Variants in PRKD1 observed in about 807,000 individuals in gnomAD.
PRKD1 encodes protein kinase D1, also known as serine/threonine-protein kinase D1.
A neutral mutation model predicts 95.9 loss-of-function variants in PRKD1; 63 were observed. The ratio of observed to expected loss-of-function variants is 0.66; its 90% CI spans 0.54 to 0.81. The LOEUF (loss-of-function observed/expected upper bound fraction) is 0.81. Among genes scored for constraint, PRKD1 ranks in the 30% least tolerant of loss-of-function variants. The pLI is 0.00. For missense variants in PRKD1, 1,048 were observed against 1,165.3 expected (o/e 0.90, Z 1.47); for synonymous variants, 425 against 423.1 (o/e 1.00, Z -0.05).
chr14:29,872,308 A>G (rs1447181337), intron 1 of PRKD1, among the ~76,000 whole-genome samples: 1 of 152,232 alleles, frequency 6.6e-6, no homozygotes, highest in Admixed American at 6.5e-5. Flanking sequence ...CATTTTAAAC[A>G]TTCTTAAATA....
intron 13 of PRKD1, among the ~76,000 whole-genome samples, chr14:29,612,708 T>C (rs1466532091): frequency 1.3e-5 from 2 of 152,120 alleles, no homozygotes; most frequent in African/African-American, 2.4e-5. Flanking sequence ...TTTAGACATA[T>C]ATACATAACC....
At chr14:29,889,530 A>T (rs1893863984) in intron 1 of PRKD1, among the ~76,000 whole-genome samples, 1 of 152,222 alleles carries the variant, frequency 6.6e-6, no homozygotes, top group South Asian at 2.1e-4. Context: ...AAAATGTGGC[A>T]TATATACACC....
chr14:29,907,712 A>C (rs577220720), intron 1 of PRKD1, among the ~76,000 whole-genome samples: 49 of 152,358 alleles, frequency 3.2e-4, no homozygotes, highest in Middle Eastern at 3.4e-3. Flanking sequence ...TTAGTGAAAC[A>C]TGGACGTGTC....
intron 16 of PRKD1, among the ~76,000 whole-genome samples, chr14:29,592,960 A>G (rs963292089): frequency 6.6e-6 from 1 of 152,222 alleles, no homozygotes; most frequent in Non-Finnish European, 1.5e-5. Flanking sequence ...GATAATCAAG[A>G]GGCTGTCAAT....
At chr14:29,578,408 C>T (rs1436340917) in intron 16 of PRKD1, 48 bp from the exon 17 acceptor site, 1 of 1,360,738 alleles carries the variant, frequency 7.3e-7, no homozygotes, top group Non-Finnish European at 1.0e-6. Context: ...GTAACATATG[C>T]ATAATTCATT....
intron 1 of PRKD1, among the ~76,000 whole-genome samples, chr14:29,763,367 G>C (rs1483911931): frequency 7.5e-6 from 1 of 132,652 alleles, no homozygotes; most frequent in Non-Finnish European, 1.6e-5. Flanking sequence ...AGGAAGGAAG[G>C]AGGGAAGGAA....
At chr14:29,846,375 G>A (rs142283329) in intron 1 of PRKD1, among the ~76,000 whole-genome samples, 1 of 152,310 alleles carries the variant, frequency 6.6e-6, no homozygotes, top group Non-Finnish European at 1.5e-5. Context: ...CCTGAGGGGT[G>A]ACGTTTAGCT....
chr14:29,692,781 C>T (rs2139302187), intron 2 of PRKD1, among the ~76,000 whole-genome samples: 2 of 152,278 alleles, frequency 1.3e-5, no homozygotes, highest in Admixed American at 1.3e-4. Flanking sequence ...CAAATGTCAT[C>T]ATGTCCTTAT....
intron 1 of PRKD1, among the ~76,000 whole-genome samples, chr14:29,843,776 G>T (rs528335699): frequency 1.2e-4 from 18 of 152,240 alleles, no homozygotes; most frequent in Admixed American, 1.0e-3. Context: ...ATAAATAAAT[G>T]AGTTATAAAG....
chr14:29,914,264 A>G (rs571068610), intron 1 of PRKD1, among the ~76,000 whole-genome samples: 1 of 152,252 alleles, frequency 6.6e-6, no homozygotes, highest in East Asian at 1.9e-4. Context: ...TCACAATTCA[A>G]TTCAACCGCT....
chr14:29,760,722 T>A (rs763783390), intron 1 of PRKD1, among the ~76,000 whole-genome samples: 9 of 152,340 alleles, frequency 5.9e-5, no homozygotes, highest in Non-Finnish European at 1.3e-4. Flanking sequence ...CTACACCTAG[T>A]AGCTCCATTC....
At chr14:29,595,377 G>A (rs984049593) in intron 16 of PRKD1, among the ~76,000 whole-genome samples, 3 of 152,000 alleles carry the variant, frequency 2.0e-5, no homozygotes, top group Non-Finnish European at 2.9e-5. Flanking sequence ...TGGAGGCCCT[G>A]GTTTTCCACC....
At chr14:29,913,755 G>A (rs1033194527) in intron 1 of PRKD1, among the ~76,000 whole-genome samples, 8 of 152,136 alleles carry the variant, frequency 5.3e-5, no homozygotes, top group Non-Finnish European at 1.0e-4. Flanking sequence ...CTAGGCATGC[G>A]TGATTCGCTT....
chr14:29,785,171 A>G (rs1364119021), intron 1 of PRKD1, among the ~76,000 whole-genome samples: 1 of 152,220 alleles, frequency 6.6e-6, no homozygotes, highest in African/African-American at 2.4e-5. Flanking sequence ...CCTGTGAGGC[A>G]TAAAACCCAA....
chr14:29,577,208 A>G lies in PRKD1; in HGVS notation c.*30T>C. ...GACCGTATGTATTTATTAGTTCCAC[A>G]GTGTTTTGACAGATTATAGGAGATG... On this transcript the variant is annotated 3_prime_UTR_variant, in exon 18 of 18. Coordinates refer to ENST00000331968, the MANE Select transcript of PRKD1 (RefSeq NM_002742.3). 1 of 1,580,964 alleles carries G rather than the reference A, an allele frequency of 6.3e-7. No individual in the cohort carries two copies. The highest frequency in any genetic ancestry group is 8.7e-7 in the Non-Finnish European group (1 of 1,151,360).
rs1391974847 is a variant in PRKD1 at position 29,785,878 on chromosome 14, C to CA, written c.265-60205dup. 3.8e-3 allele frequency among the ~76,000 whole-genome samples: 446 copies of CA among 118,436 alleles called. 7 individuals are homozygous for CA. The highest frequency in any genetic ancestry group is 0.032 in the East Asian group (133 of 4,164). The allele number at this position is 118,436 out of a possible 152,430, so 77.7% of individuals were successfully genotyped here. On this transcript the variant is annotated intron_variant, in intron 1 of 17. Transcript: ENST00000331968. ...ATAAATAAAAGTTTGGTGGGGCTGT[C>CA]AAAAAAAAAAAAAGGAAAGTGGGCA...
chr14:29,720,786 A>AT (rs1391850087), intron 2 of PRKD1, among the ~76,000 whole-genome samples: 2 of 150,948 alleles, frequency 1.3e-5, no homozygotes, highest in Non-Finnish European at 2.9e-5. Flanking sequence ...TCTCAAAAAA[A>AT]ATAAATAAAT....
At chr14:29,765,915 G>A (rs576459035) in intron 1 of PRKD1, among the ~76,000 whole-genome samples, 136 of 152,282 alleles carry the variant, frequency 8.9e-4, no homozygotes, top group Non-Finnish European at 1.6e-3. Context: ...GGAAACAGGA[G>A]AGCTGGCAAT....
chr14:29,813,111 A>G (rs1435163212), intron 1 of PRKD1, among the ~76,000 whole-genome samples: 1 of 152,162 alleles, frequency 6.6e-6, no homozygotes, highest in Non-Finnish European at 1.5e-5. Context: ...ACTCTGTCTC[A>G]AAAAAACAAC....
Sources: gnomAD v4.1 joint callset for allele counts (sites outside exome capture counted in the v4.1 genomes callset) on GRCh38, gnomAD v4.1.1 for gene constraint, MANE v1.5 for transcripts, NCBI Gene and HGNC (gene_info 2026-07-23, HGNC 2026-07-21) for gene names.